The following GOLGB1 variants were observed in gnomAD, a reference collection of about 807,000 sequenced individuals.
GOLGB1 encodes the protein golgin B1, also known as golgin subfamily B member 1.
In GOLGB1, 174 loss-of-function variants were observed where a neutral mutation model predicts 336.9. That is an observed-to-expected ratio of 0.52 (90% CI 0.46 to 0.59). GOLGB1 has a LOEUF of 0.59. Ranked by LOEUF, GOLGB1 falls within the 20% of genes least tolerant of loss-of-function variation. GOLGB1 has a pLI of 0.00. For missense variants in GOLGB1, 3,331 were observed against 3,645.3 expected (o/e 0.91, Z 2.22); for synonymous variants, 1,208 against 1,289.2 (o/e 0.94, Z 1.35).
rs556385468 is a variant in GOLGB1 at position 121,729,135 on chromosome 3, T to C, written c.402+53A>G. 1,882 of 1,206,042 alleles carry C rather than the reference T, an allele frequency of 1.6e-3. 5 individuals are homozygous for C. The highest frequency in any genetic ancestry group is 2.2e-3 in the Admixed American group (100 of 44,944). The allele number at this position is 1,206,042 out of a possible 1,614,324, so 74.7% of individuals were successfully genotyped here. The stretch of plus-strand genomic sequence containing the variant: ...GTTTGTGATTGGTGAAGATCTGCTG[T>C]ATTGGTAGGTTTTTTCAACTTAGGA... On this transcript the variant is annotated intron_variant, in intron 4 of 21. Transcript: ENST00000614479.
At chr3:121,681,913 T>C in intron 14 of GOLGB1, 48 bp from the exon 15 acceptor site, 1 of 1,324,356 alleles carries the variant, frequency 7.6e-7, no homozygotes, top group South Asian at 1.2e-5. Context: ...ATCTCATTCA[T>C]CTAACTGTAA....
At chr3:121,726,081 A>C (rs1945570408) in intron 5 of GOLGB1, among the ~76,000 whole-genome samples, 1 of 151,874 alleles carries the variant, frequency 6.6e-6, no homozygotes, top group Non-Finnish European at 1.5e-5. Flanking sequence ...TACCAGAGCC[A>C]CACTAAAAAA....
chr3:121,696,238 T>C lies in GOLGB1; in HGVS notation c.4285A>G (p.Lys1429Glu). ...TGTTCTATTATCTCTGTCTGTATTTTAGTGAGAGCTGCTTCTTTCTCACTA... is the reference window on the plus strand; with the variant it reads ...TGTTCTATTATCTCTGTCTGTATTTCAGTGAGAGCTGCTTCTTTCTCACTA... ...QLSEKEAALT[K>E]IQTEIIEQED... Residue 1429 changes from lysine (K) to glutamate (E), a missense_variant, in exon 13 of 22, where the codon AAA becomes GAA. By Grantham distance (56) the Lys-to-Glu change is moderately conservative (BLOSUM62 1). Transcript: ENST00000614479. 4 of 1,614,140 alleles carry C rather than the reference T, an allele frequency of 2.5e-6. No homozygotes were observed. Among genetic ancestry groups the C allele is most frequent in the South Asian group, 1.1e-5 (1 of 91,074 alleles).
chr3:121,706,487 A>G (rs1053412788), intron 10 of GOLGB1, among the ~76,000 whole-genome samples: 5 of 152,124 alleles, frequency 3.3e-5, no homozygotes, highest in Non-Finnish European at 5.9e-5. Context: ...CTGTAATCCC[A>G]GCACTTTGGG....
At position 121,696,356 on chromosome 3, in the gene GOLGB1, T is replaced by A. The variant is rs1942945277; in HGVS notation, c.4167A>T (p.Leu1389=). The A allele has an allele frequency of 3.1e-6, 5 of 1,614,076 alleles. No homozygotes were observed. Among genetic ancestry groups the A allele is most frequent in the Non-Finnish European group, 4.2e-6 (5 of 1,180,018 alleles). The change falls in exon 13 of 22, where the codon CTA becomes CTT. Residue 1389 remains leucine, a synonymous_variant. Coordinates refer to ENST00000614479, the MANE Select transcript of GOLGB1 (RefSeq NM_001366282.2). ...LESSQLQIAG[L]EHLRELQPKL... ...TAGGTTGCAATTCTCTTAGATGTTC[T>A]AGGCCAGCAATTTGTAGTTGGCTGC... is the stretch of plus-strand genomic sequence containing the variant.
chr3:121,676,832 G>A lies in GOLGB1; in HGVS notation c.9177+61C>T, dbSNP rs1393567268. On this transcript the variant is annotated intron_variant, in intron 17 of 21. Transcript: ENST00000614479. ...CTCTATGCTGAATTGGCTTCTACTT[G>A]CCTTCTTGTTCCAGTCATGGAAAAA... is the stretch of plus-strand genomic sequence containing the variant. The A allele has an allele frequency of 1.3e-5, 19 of 1,469,652 alleles. No homozygotes were observed. The East Asian group carries it at 2.0e-4, about 16-fold the overall frequency. The allele number at this position is 1,469,652 out of a possible 1,614,324, so 91.0% of individuals were successfully genotyped here.
chr3:121,687,414 T>C (rs888761005), intron 14 of GOLGB1, among the ~76,000 whole-genome samples: 1 of 152,228 alleles, frequency 6.6e-6, no homozygotes, highest in Non-Finnish European at 1.5e-5. Context: ...GGTGATGGTC[T>C]GAAAATACTG....
chr3:121,747,140 T>C (rs1379155858), intron 1 of GOLGB1, among the ~76,000 whole-genome samples: 1 of 124,742 alleles, frequency 8.0e-6, no homozygotes, highest in African/African-American at 3.0e-5. Context: ...AAGATATATA[T>C]ACATGGATGT....
chr3:121,675,646 G>T (rs1669859007), intron 17 of GOLGB1, among the ~76,000 whole-genome samples: 1 of 152,216 alleles, frequency 6.6e-6, no homozygotes, highest in Non-Finnish European at 1.5e-5. Context: ...GTTCTGGTAT[G>T]TTCTGATTCT....
chr3:121,670,763 G>T (rs571082836), intron 17 of GOLGB1, among the ~76,000 whole-genome samples: 4 of 148,750 alleles, frequency 2.7e-5, no homozygotes, highest in Admixed American at 6.7e-5. Flanking sequence ...TTTGGGGGGG[G>T]GGGTGTGGGA....
chr3:121,723,121 C>T (rs1054149848), intron 5 of GOLGB1, among the ~76,000 whole-genome samples: 2 of 152,136 alleles, frequency 1.3e-5, no homozygotes, highest in Non-Finnish European at 2.9e-5. Flanking sequence ...CAACTAGCCA[C>T]ATGTGGATAT....
intron 11 of GOLGB1, among the ~76,000 whole-genome samples, chr3:121,700,536 T>A (rs546345507): frequency 1.8e-4 from 28 of 151,854 alleles, no homozygotes; most frequent in East Asian, 7.7e-4. Flanking sequence ...AGGAAAAAAA[T>A]ATATATATTT....
intron 10 of GOLGB1, among the ~76,000 whole-genome samples, chr3:121,706,844 A>C (rs1943899687): frequency 6.6e-6 from 1 of 151,916 alleles, no homozygotes; most frequent in African/African-American, 2.4e-5. Flanking sequence ...TTCAATGTAG[A>C]ATTCTAGTCA....
rs142286671 is a variant in GOLGB1, at chr3:121,690,676, G to A, written c.8688C>T (p.Asp2896=). ...GAAAGAACTAGCTACTCACTAGTCT[G>A]TCTCTGTCATTTTGGAGTGAAGACA... ...KAMSSLQNDR[D]RLLKELKNLQ... The change falls in exon 14 of 22, where the codon GAC becomes GAT. Residue 2896 remains aspartate, a synonymous_variant. Transcript: ENST00000614479. 127 of 1,484,930 alleles carry A rather than the reference G, an allele frequency of 8.6e-5. No homozygotes were observed. In the African/African-American group the frequency reaches 1.8e-3, roughly 21 times the overall value. 92.0% of individuals were successfully genotyped at this position (1,484,930 alleles called of 1,614,324 possible).
chr3:121,698,247 T>C lies in GOLGB1; in HGVS notation c.2276A>G (p.Lys759Arg). The C allele has an allele frequency of 1.9e-6, 3 of 1,613,974 alleles. No homozygotes were observed. Among genetic ancestry groups the C allele is most frequent in the Non-Finnish European group, 2.5e-6 (3 of 1,179,902 alleles). ...CAATTCTGTTACCATGCTAAGTTCCTTCACCTGAGAGAGAAGCTGGTCTCT... is the reference window on the plus strand; with the variant it reads ...CAATTCTGTTACCATGCTAAGTTCCCTCACCTGAGAGAGAAGCTGGTCTCT... ...EERDQLLSQV[K>R]ELSMVTELRA... The change falls in exon 13 of 22, where the codon AAG becomes AGG. Residue 759 changes from lysine (K) to arginine (R), a missense_variant. Transcript: ENST00000614479.
intron 14 of GOLGB1, among the ~76,000 whole-genome samples, chr3:121,684,479 A>T (rs1320656019): frequency 6.6e-6 from 1 of 152,060 alleles, no homozygotes; most frequent in South Asian, 2.1e-4. Flanking sequence ...AGAAAAAAAG[A>T]CCTATACCAA....
intron 4 of GOLGB1, 48 bp downstream of exon 4, chr3:121,729,140 G>C (rs2108277817): frequency 7.6e-7 from 1 of 1,312,066 alleles, no homozygotes; most frequent in South Asian, 1.3e-5. Flanking sequence ...TGCTGTATTG[G>C]TAGGTTTTTT....
chr3:121,742,415 C>T (rs537100182), intron 1 of GOLGB1, among the ~76,000 whole-genome samples: 125 of 152,166 alleles, frequency 8.2e-4, no homozygotes, highest in South Asian at 1.9e-3. Flanking sequence ...GCTAGCCATA[C>T]GTAGAAAGGT....
Position 121,664,166 on chromosome 3 carries a change from A to C in GOLGB1, c.*314T>G, listed in dbSNP as rs1480721533. The C allele has an allele frequency of 3.3e-6, 1 of 303,130 alleles. No individual in the cohort carries two copies. Among genetic ancestry groups the C allele is most frequent in the African/African-American group, 2.1e-5 (1 of 48,088 alleles). 18.8% of individuals were successfully genotyped at this position (303,130 alleles called of 1,614,324 possible). Reference sequence around the variant, plus strand: ...TTGGCTTGGCTGAAAGACATTCCTCAGTATCTTTTACAGGACCACAAAAGA... The same window carrying C: ...TTGGCTTGGCTGAAAGACATTCCTCCGTATCTTTTACAGGACCACAAAAGA... On this transcript the variant is annotated 3_prime_UTR_variant, in exon 22 of 22. Coordinates refer to ENST00000614479, the MANE Select transcript of GOLGB1 (RefSeq NM_001366282.2).
Sources: allele counts gnomAD v4.1 joint callset (sites outside exome capture counted in the v4.1 genomes callset), GRCh38; gene constraint gnomAD v4.1.1; transcripts MANE v1.5; gene names NCBI Gene and HGNC (gene_info 2026-07-23, HGNC 2026-07-21).